Variants in SLC24A3 observed in about 807,000 individuals in gnomAD.
SLC24A3 encodes the protein sodium/potassium/calcium exchanger 3.
In SLC24A3, 28 loss-of-function variants were observed where a neutral mutation model predicts 75.8. That is an observed-to-expected ratio of 0.37 (90% confidence interval 0.27 to 0.51). The LOEUF (loss-of-function observed/expected upper bound fraction) is 0.51. SLC24A3 is among the 20% of genes least tolerant of loss of function. The pLI is 0.94. For synonymous variants in SLC24A3, 372 were observed against 334.1 expected (o/e 1.11, Z -1.24); for missense variants, 663 against 847.8 (o/e 0.78, Z 2.71).
At chr20:19,649,137 TG>T (rs981386934) in intron 6 of SLC24A3, among the ~76,000 whole-genome samples, 9 of 152,200 alleles carry the variant, frequency 5.9e-5, no homozygotes, top group African/African-American at 1.9e-4. Flanking sequence ...TACTGTGGCT[TG>T]GGGGACACCT....
Position 19,493,045 on chromosome 20 carries a change from G to T in SLC24A3, c.272-22443G>T, listed in dbSNP as rs551690839. Among the ~76,000 whole-genome samples, 20 of 152,326 alleles carry T rather than the reference G, an allele frequency of 1.3e-4. No individual in the cohort carries two copies. The South Asian group carries it at 3.5e-3, about 27-fold the overall frequency. On this transcript the variant is annotated intron_variant, in intron 2 of 16. Coordinates refer to ENST00000328041, the MANE Select transcript of SLC24A3 (RefSeq NM_020689.4). The stretch of plus-strand genomic sequence containing the variant: ...TGACTCTGGGAATGGAATTATTTCT[G>T]GATCCTGAGGTTGCTTGTGAGGCTG...
chr20:19,673,384 G>A (rs540187617), intron 8 of SLC24A3, among the ~76,000 whole-genome samples: 1 of 152,178 alleles, frequency 6.6e-6, no homozygotes, highest in African/African-American at 2.4e-5. Context: ...AGAGAGGAAG[G>A]GGCATTTTCC....
At chr20:19,666,008 G>A in intron 8 of SLC24A3, 119 bp downstream of exon 8, 1 of 1,156,660 alleles carries the variant, frequency 8.6e-7, no homozygotes, top group Non-Finnish European at 1.2e-6. Flanking sequence ...TTAGAATGAG[G>A]AGAATTTCCT....
At chr20:19,645,909 G>T (rs559866157) in intron 6 of SLC24A3, among the ~76,000 whole-genome samples, 1 of 152,148 alleles carries the variant, frequency 6.6e-6, no homozygotes, top group African/African-American at 2.4e-5. Flanking sequence ...CAAAAAATCA[G>T]CCCAGCGTGG....
At position 19,717,531 on chromosome 20, in the gene SLC24A3, C is replaced by A. The variant is rs139008250; in HGVS notation, c.1723C>A (p.Arg575=). Residue 575 remains arginine, a synonymous_variant, in exon 16 of 17, where the codon CGG becomes AGG. Transcript: ENST00000328041. ...TAACTCTAACCCTCTCTTACAGATC[C>A]GGCTGAATAGCAGGGGGCTGATCTA... ...TLAVDYGSYI[R]LNSRGLIYSV... 6.2e-7 allele frequency: 1 copy of A among 1,613,960 alleles called. No individual in the cohort carries two copies. The highest frequency in any genetic ancestry group is 1.1e-5 in the South Asian group (1 of 91,050).
chr20:19,447,555 T>C (rs1420335359), intron 2 of SLC24A3, among the ~76,000 whole-genome samples: 1 of 152,066 alleles, frequency 6.6e-6, no homozygotes, highest in African/African-American at 2.4e-5. Flanking sequence ...GCGACACATA[T>C]ACACACACAC....
At chr20:19,673,436 T>A (rs2145168) in intron 8 of SLC24A3, among the ~76,000 whole-genome samples, 165 bp from the exon 9 acceptor site, 34,148 of 152,192 alleles carry the variant, frequency 0.22, 4,116 homozygotes, top group Non-Finnish European at 0.25. Context: ...GACAGCCTTA[T>A]GCAGCATAGA....
intron 2 of SLC24A3, among the ~76,000 whole-genome samples, chr20:19,501,107 C>T (rs1468409426): frequency 2.6e-5 from 4 of 152,128 alleles, no homozygotes; most frequent in Non-Finnish European, 5.9e-5. Context: ...GTGCCAATGA[C>T]ACAAACTCAT....
At chr20:19,490,019 G>C (rs1003980506) in intron 2 of SLC24A3, among the ~76,000 whole-genome samples, 9 of 152,126 alleles carry the variant, frequency 5.9e-5, no homozygotes, top group African/African-American at 1.9e-4. Context: ...CTGGTTGGGG[G>C]GATCCTGAAT....
At chr20:19,691,084 C>T (rs1249500639) in intron 12 of SLC24A3, among the ~76,000 whole-genome samples, 2 of 152,204 alleles carry the variant, frequency 1.3e-5, no homozygotes, top group Admixed American at 1.3e-4. Flanking sequence ...CCCCTGTTCT[C>T]ATAGACTTTA....
At chr20:19,428,684 A>C (rs796185179) in intron 2 of SLC24A3, among the ~76,000 whole-genome samples, 33 of 152,314 alleles carry the variant, frequency 2.2e-4, no homozygotes, top group African/African-American at 7.9e-4. Context: ...AAGCAGCCCT[A>C]GATTGTAGTT....
rs80170474 is a variant in SLC24A3 at position 19,667,125 on chromosome 20, C to T, written c.713+1236C>T. Reference sequence around the variant, plus strand: ...GTGTGGGCCTCTCTGTATCTGAGGACATCTCTGACTTTCAGAATTAGGGGG... The same window carrying T: ...GTGTGGGCCTCTCTGTATCTGAGGATATCTCTGACTTTCAGAATTAGGGGG... On this transcript the variant is annotated intron_variant, in intron 8 of 16. Transcript: ENST00000328041. Among the ~76,000 whole-genome samples the T allele has an allele frequency of 8.5e-4, 129 of 152,288 alleles. 1 individual carries two copies. The highest frequency in any genetic ancestry group is 2.9e-3 in the African/African-American group (122 of 41,562).
intron 2 of SLC24A3, among the ~76,000 whole-genome samples, chr20:19,405,724 C>A (rs966416617): frequency 6.6e-6 from 1 of 152,132 alleles, no homozygotes; most frequent in Non-Finnish European, 1.5e-5. Flanking sequence ...AAATCACAAG[C>A]CTTGAAGAAT....
At chr20:19,260,595 G>A (rs988604057) in intron 1 of SLC24A3, among the ~76,000 whole-genome samples, 1 of 152,218 alleles carries the variant, frequency 6.6e-6, no homozygotes, top group Admixed American at 6.5e-5. Flanking sequence ...AAGAACTCGA[G>A]ATACAATTTC....
chr20:19,217,316 T>G (rs1234385504), intron 1 of SLC24A3, among the ~76,000 whole-genome samples: 2 of 152,130 alleles, frequency 1.3e-5, no homozygotes, highest in African/African-American at 4.8e-5. Flanking sequence ...GAGATACTGC[T>G]GTGTCTGCCT....
intron 1 of SLC24A3, among the ~76,000 whole-genome samples, chr20:19,230,661 TG>T (rs5840835): frequency 0.26 from 26,562 of 102,974 alleles, 2,865 homozygotes; most frequent in African/African-American, 0.29. Context: ...GACATATTGA[TG>T]GGGGGGGTGC....
At chr20:19,708,338 T>C (rs1274504658) in intron 15 of SLC24A3, among the ~76,000 whole-genome samples, 1 of 152,190 alleles carries the variant, frequency 6.6e-6, no homozygotes, top group Non-Finnish European at 1.5e-5. Flanking sequence ...CCTTAACACC[T>C]AGCAGAGGGC....
At chr20:19,701,613 T>C (rs2032874724) in intron 15 of SLC24A3, among the ~76,000 whole-genome samples, 1 of 152,218 alleles carries the variant, frequency 6.6e-6, no homozygotes, top group African/African-American at 2.4e-5. Flanking sequence ...CCAATGAAGA[T>C]ACTCCTCAGC....
chr20:19,398,184 G>T (rs1459041044), intron 2 of SLC24A3, among the ~76,000 whole-genome samples: 2 of 151,802 alleles, frequency 1.3e-5, no homozygotes, highest in Non-Finnish European at 2.9e-5. Context: ...TAACTTAAAG[G>T]CTCTGTAACT....
Sources: allele counts gnomAD v4.1 joint callset (sites outside exome capture counted in the v4.1 genomes callset), GRCh38; gene constraint gnomAD v4.1.1; transcripts MANE v1.5; gene names NCBI Gene and HGNC (gene_info 2026-07-23, HGNC 2026-07-21).